The following AGBL3 variants were observed in gnomAD, a reference collection of about 807,000 sequenced individuals.
AGBL3 encodes the protein cytosolic carboxypeptidase 3.
In AGBL3, 68 loss-of-function variants were observed where a neutral mutation model predicts 94.5. The observed-to-expected ratio is 0.72, with a 90% CI of 0.59 to 0.88. The LOEUF (loss-of-function observed/expected upper bound fraction) is 0.88. Ranked by LOEUF, AGBL3 falls within the 40% of genes least tolerant of loss-of-function variation. AGBL3 has a pLI of 0.00. For missense variants in AGBL3, 934 were observed against 1,103.8 expected (o/e 0.85, Z 2.18); for synonymous variants, 354 against 370.7 (o/e 0.95, Z 0.52).
At position 135,115,546 on chromosome 7, in the gene AGBL3, A is replaced by G. The variant is rs1218001869; in HGVS notation, c.2277A>G (p.Lys759=). 1 of 1,551,414 alleles carries G rather than the reference A, an allele frequency of 6.4e-7. No homozygotes were observed. The highest frequency in any genetic ancestry group is 8.7e-7 in the Non-Finnish European group (1 of 1,146,878). ...QYLLPIVHST[K]NMQTTQIKQL... ...TGCTCCCCATCGTGCATAGCACTAA[A>G]AACATGCAAACCACTCAGATAAAAC... is the stretch of plus-strand genomic sequence containing the variant. Residue 759 remains lysine, a synonymous_variant, in exon 16 of 17, where the codon AAA becomes AAG. Coordinates refer to ENST00000436302, the MANE Select transcript of AGBL3 (RefSeq NM_178563.4).
chr7:135,130,087 C>T (rs1186435752), intron 16 of AGBL3, among the ~76,000 whole-genome samples: 2 of 152,136 alleles, frequency 1.3e-5, no homozygotes, highest in Non-Finnish European at 2.9e-5. Context: ...TTGGAGTTCC[C>T]TCAGTACTAC....
Position 135,052,303 on chromosome 7 carries a change from T to C in AGBL3, c.1841+6392T>C, listed in dbSNP as rs146513327. Among the ~76,000 whole-genome samples the C allele has an allele frequency of 1.3e-3, 191 of 152,334 alleles. 3 individuals carry two copies. The highest frequency in any genetic ancestry group is 4.5e-3 in the African/African-American group (189 of 41,590). On this transcript the variant is annotated intron_variant, in intron 11 of 16. Transcript: ENST00000436302. ...ATACTCTGGAAATCACTGTAGATTT[T>C]TCAGTACATAGGGGTTTTCCTTATT...
At chr7:134,994,591 C>G (rs1417766933) in intron 4 of AGBL3, among the ~76,000 whole-genome samples, 4 of 152,008 alleles carry the variant, frequency 2.6e-5, no homozygotes, top group Non-Finnish European at 5.9e-5. Context: ...CTTATGGACA[C>G]TCATTGGTGA....
intron 12 of AGBL3, among the ~76,000 whole-genome samples, chr7:135,074,157 A>G (rs1563240040): frequency 6.6e-6 from 1 of 152,212 alleles, no homozygotes; most frequent in Non-Finnish European, 1.5e-5. Flanking sequence ...TTCAAAATGT[A>G]TACTTAAAAC....
chr7:135,040,885 C>CCACACACA (rs1554502035), intron 8 of AGBL3, among the ~76,000 whole-genome samples: 8 of 120,974 alleles, frequency 6.6e-5, no homozygotes, highest in African/African-American at 1.7e-4. Context: ...CACACACACA[C>CCACACACA]CACACACACA....
chr7:135,071,768 G>T (rs1388760212), intron 12 of AGBL3, among the ~76,000 whole-genome samples: 4 of 152,062 alleles, frequency 2.6e-5, no homozygotes, highest in Admixed American at 1.3e-4. Context: ...AATTCAAGAT[G>T]GATTAAAGAC....
At chr7:135,133,067 G>GCACACACACACA (rs55861736) in intron 16 of AGBL3, among the ~76,000 whole-genome samples, 5 of 150,320 alleles carry the variant, frequency 3.3e-5, no homozygotes, top group African/African-American at 1.2e-4. Flanking sequence ...ACGCATGCGT[G>GCACACACACACA]CACACACACA....
chr7:134,995,286 CTCAG>C (rs1810863738), intron 4 of AGBL3: 1 of 152,288 alleles, frequency 6.6e-6, no homozygotes. Flanking sequence ...GCCACTGCTT[CTCAG>C]TGTCACTTCC....
intron 15 of AGBL3, among the ~76,000 whole-genome samples, chr7:135,110,610 G>A (rs747931589): frequency 2.0e-5 from 3 of 152,252 alleles, no homozygotes; most frequent in Admixed American, 6.5e-5. Context: ...GCTCTGTGTC[G>A]CTCCTGGGTG....
chr7:135,025,825 A>G (rs1815026865), intron 5 of AGBL3, among the ~76,000 whole-genome samples: 1 of 151,698 alleles, frequency 6.6e-6, no homozygotes, highest in Non-Finnish European at 1.5e-5. Context: ...TCAATCAACA[A>G]TAATCAAGAA....
At chr7:135,096,785 A>AAGAAAG (rs1229205676) in intron 15 of AGBL3, among the ~76,000 whole-genome samples, 4 of 150,798 alleles carry the variant, frequency 2.7e-5, no homozygotes, top group Non-Finnish European at 3.0e-5. Context: ...GAAAGAAAGA[A>AAGAAAG]AGAAAGAAAA....
intron 8 of AGBL3, among the ~76,000 whole-genome samples, chr7:135,038,175 G>A (rs1816489962): frequency 6.6e-6 from 1 of 152,088 alleles, no homozygotes; most frequent in Admixed American, 6.5e-5. Flanking sequence ...GAAAATTCCT[G>A]CAGACTTTCC....
chr7:134,994,892 ATATT>A (rs1402158268), intron 4 of AGBL3, among the ~76,000 whole-genome samples: 1 of 152,190 alleles, frequency 6.6e-6, no homozygotes, highest in Non-Finnish European at 1.5e-5. Context: ...AGCTGGGTAT[ATATT>A]TATCTTCTGT....
At chr7:135,040,131 A>G (rs1816706477) in intron 8 of AGBL3, among the ~76,000 whole-genome samples, 1 of 152,218 alleles carries the variant, frequency 6.6e-6, no homozygotes, top group Non-Finnish European at 1.5e-5. Flanking sequence ...AATTCCTTGA[A>G]AACTACAGAC....
chr7:135,032,887 C>T lies in AGBL3; in HGVS notation c.462C>T (p.Asn154=). The T allele has an allele frequency of 6.4e-7, 1 of 1,551,052 alleles. No homozygotes were observed. Among genetic ancestry groups the T allele is most frequent in the Non-Finnish European group, 8.7e-7 (1 of 1,146,646 alleles). The change falls in exon 6 of 17, where the codon AAC becomes AAT. Residue 154 remains asparagine, a synonymous_variant. Coordinates refer to ENST00000436302, the MANE Select transcript of AGBL3 (RefSeq NM_178563.4). The part of the protein sequence containing the change: ...PCFVYSRVGG[N]RTPLKQPVDY... ...TTGTGTATTCCCGAGTTGGGGGTAA[C>T]CGAACACCTTTGAAGCAGCCTGTGG...
chr7:135,051,388 A>G (rs953491763), intron 11 of AGBL3, among the ~76,000 whole-genome samples: 1 of 152,080 alleles, frequency 6.6e-6, no homozygotes, highest in Non-Finnish European at 1.5e-5. Flanking sequence ...CCTCAACAAT[A>G]CAAGACCAAT....
chr7:135,061,615 T>C (rs1818845737), intron 12 of AGBL3, among the ~76,000 whole-genome samples: 1 of 152,108 alleles, frequency 6.6e-6, no homozygotes, highest in South Asian at 2.1e-4. Flanking sequence ...GGATATCTTA[T>C]TGTCCTAACA....
chr7:135,064,822 C>T (rs999192798), intron 12 of AGBL3, among the ~76,000 whole-genome samples: 1 of 152,168 alleles, frequency 6.6e-6, no homozygotes, highest in African/African-American at 2.4e-5. Flanking sequence ...GGCAAAAAAT[C>T]CTTCCAAAAT....
At chr7:135,013,066 G>A (rs1813354416) in intron 4 of AGBL3, among the ~76,000 whole-genome samples, 1 of 152,106 alleles carries the variant, frequency 6.6e-6, no homozygotes, top group African/African-American at 2.4e-5. Flanking sequence ...AATATATGAA[G>A]AATTCCTACA....
Sources: allele counts gnomAD v4.1 joint callset (sites outside exome capture counted in the v4.1 genomes callset), GRCh38; gene constraint gnomAD v4.1.1; transcripts MANE v1.5; gene names NCBI Gene and HGNC (gene_info 2026-07-23, HGNC 2026-07-21).